The following CDC42BPG variants were observed in gnomAD, a reference collection of about 807,000 sequenced individuals.
CDC42BPG encodes CDC42 binding protein kinase gamma.
A neutral mutation model predicts 192.2 loss-of-function variants in CDC42BPG; 157 were observed. The observed-to-expected ratio is 0.82, with a 90% CI of 0.72 to 0.93. The LOEUF is 0.93. Among genes scored for constraint, CDC42BPG ranks in the 40% least tolerant of loss-of-function variants. The pLI, the probability that CDC42BPG is intolerant of heterozygous loss-of-function variation, is 0.00. For synonymous variants in CDC42BPG, 981 were observed against 918.5 expected (o/e 1.07, Z -1.23); for missense variants, 1,992 against 2,122.1 (o/e 0.94, Z 1.20).
At chr11:64,838,510 G>A (rs1051049599) in intron 8 of CDC42BPG, 144 bp downstream of exon 8, 4 of 1,167,212 alleles carry the variant, frequency 3.4e-6, no homozygotes, top group African/African-American at 1.5e-5. Flanking sequence ...GCTGGAACGG[G>A]TCAGTCTGGG....
Position 64,831,675 on chromosome 11 carries a change from A to T in CDC42BPG, c.3134T>A (p.Leu1045Gln). 6.2e-7 allele frequency: 1 copy of T among 1,608,854 alleles called. No homozygotes were observed. Among genetic ancestry groups the T allele is most frequent in the Non-Finnish European group, 8.5e-7 (1 of 1,179,450 alleles). ...LAVPPTTCTV[L>Q]LLAESEGERE... ...CTCCCCCTCGCTCTCTGCCAGCAGC[A>T]GCACAGTGCACGTGGTGGGCGGCAC... is the stretch of plus-strand genomic sequence containing the variant. The change falls in exon 28 of 37, where the codon CTG (leucine) becomes CAG (glutamine). Residue 1045 changes from leucine to glutamine, a missense_variant. By Grantham distance (113) the Leu-to-Gln change is moderately radical. This residue lies in a region of CDC42BPG where 1,656 missense variants were observed against 1,844.3 expected (regional missense o/e 0.90). Coordinates refer to ENST00000342711, the MANE Select transcript of CDC42BPG (RefSeq NM_017525.3).
intron 11 of CDC42BPG, 34 bp downstream of exon 11, chr11:64,836,705 C>CCGGAGGGG: frequency 2.8e-6 from 1 of 352,538 alleles, no homozygotes; most frequent in South Asian, 3.3e-5. Flanking sequence ...GGACTCAGCC[C>CCGGAGGGG]TGGGGGGGGG....
At chr11:64,835,269 G>A in intron 16 of CDC42BPG, 78 bp downstream of exon 16, 1 of 1,609,606 alleles carries the variant, frequency 6.2e-7, no homozygotes, top group Non-Finnish European at 8.5e-7. Flanking sequence ...CTCACTGGCT[G>A]CAGCTTGCCC....
chr11:64,828,938 T>C (rs1018051207), intron 30 of CDC42BPG, among the ~76,000 whole-genome samples: 1 of 152,010 alleles, frequency 6.6e-6, no homozygotes, highest in Non-Finnish European at 1.5e-5. Flanking sequence ...TAGTCCCAGC[T>C]ACTAGGGAGG....
At position 64,836,705 on chromosome 11, in the gene CDC42BPG, C is replaced by CCGGGGGGGGGGGGGGGGGGGG. The variant is rs1192864769; in HGVS notation, c.1384+33_1384+34insCCCCCCCCCCCCCCCCCCCCG. On this transcript the variant is annotated intron_variant, in intron 11 of 36. Coordinates refer to ENST00000342711, the MANE Select transcript of CDC42BPG (RefSeq NM_017525.3). Reference sequence around the variant, plus strand: ...ACCCGAGCCCAGGTGGGACTCAGCCCTGGGGGGGGGGGGGGGGTGGGCGGA... The same window carrying CCGGGGGGGGGGGGGGGGGGGG: ...ACCCGAGCCCAGGTGGGACTCAGCCCCGGGGGGGGGGGGGGGGGGGGTGGGGGGGGGGGGGGGGTGGGCGGA... The CCGGGGGGGGGGGGGGGGGGGG allele has an allele frequency of 3.1e-5, 11 of 353,522 alleles. 4 individuals carry two copies. Among genetic ancestry groups the CCGGGGGGGGGGGGGGGGGGGG allele is most frequent in the South Asian group, 6.6e-5 (2 of 30,182 alleles). 21.9% of individuals were successfully genotyped at this position (353,522 alleles called of 1,614,324 possible).
intron 30 of CDC42BPG, 152 bp downstream of exon 30, chr11:64,829,319 C>T: frequency 1.0e-6 from 1 of 952,524 alleles, no homozygotes; most frequent in East Asian, 2.6e-5. Flanking sequence ...CCCTGCAAGC[C>T]ACAGAGGGTG....
At chr11:64,837,142 AC>A in intron 9 of CDC42BPG, 123 bp from the exon 10 acceptor site, 1 of 839,366 alleles carries the variant, frequency 1.2e-6, no homozygotes, top group Non-Finnish European at 1.9e-6. Flanking sequence ...CCCTCGGGAG[AC>A]CCCAGACTGG....
At chr11:64,829,066 A>C (rs748238182) in intron 30 of CDC42BPG, among the ~76,000 whole-genome samples, 4 of 151,990 alleles carry the variant, frequency 2.6e-5, no homozygotes, top group Non-Finnish European at 5.9e-5. Flanking sequence ...AAAACAAAAC[A>C]AAAATTAGCC....
In CDC42BPG at chr11:64,832,949, G is replaced by A. The variant is rs1389062293; in HGVS notation, c.2742C>T (p.Tyr914=). 1.3e-6 allele frequency: 2 copies of A among 1,532,926 alleles called. No individual in the cohort carries two copies. The highest frequency in any genetic ancestry group is 1.2e-5 in the South Asian group (1 of 81,188). The allele number at this position is 1,532,926 out of a possible 1,614,324, so 95.0% of individuals were successfully genotyped here. Residue 914 remains tyrosine, a synonymous_variant, in exon 25 of 37, where the codon TAC becomes TAT. Transcript: ENST00000342711. ...RQGLGCDACG[Y]FCHTTCAPQA... ...GTGGGGCACAGGTTGTGTGACAAAA[G>A]TAGCCGCAGGCTGTGGGGAAAGTGG...
chr11:64,838,272 T>G, intron 8 of CDC42BPG, 110 bp from the exon 9 acceptor site: 2 of 786,962 alleles, frequency 2.5e-6, no homozygotes, highest in South Asian at 3.6e-5. Flanking sequence ...AGGTGGGAAC[T>G]CAGGGGGGTA....
intron 9 of CDC42BPG, 131 bp downstream of exon 9, chr11:64,837,952 G>C: frequency 1.3e-6 from 1 of 781,456 alleles, no homozygotes; most frequent in Non-Finnish European, 2.2e-6. Flanking sequence ...GAGGGCTAGA[G>C]CACCTGCCAC....
chr11:64,827,711 C>T lies in CDC42BPG; in HGVS notation c.4040G>A (p.Trp1347Ter), dbSNP rs1364730072. 2 of 1,613,322 alleles carry T rather than the reference C, an allele frequency of 1.2e-6. No homozygotes were observed. The highest frequency in any genetic ancestry group is 2.2e-5 in the South Asian group (2 of 90,934). Residue 1347 changes from tryptophan (W) to a stop codon, truncating the protein, a stop_gained, in exon 31 of 37, where the codon TGG becomes TAG. Coordinates refer to ENST00000342711, the MANE Select transcript of CDC42BPG (RefSeq NM_017525.3). LOFTEE classifies it high-confidence loss of function. ...CTTCTTGAGCGGCACGGTCTGCACC[C>T]ATTCTGCCCTCCTCACGTCAAACAC... ...IDVFDVRRAE[W>*]VQTVPLKKVR...
chr11:64,840,404 G>A (rs1943227981), intron 4 of CDC42BPG, 136 bp from the exon 5 acceptor site: 1 of 1,411,116 alleles, frequency 7.1e-7, no homozygotes, highest in African/African-American at 1.4e-5. Context: ...CCAGGGCTCA[G>A]GCAGGAGGCG....
intron 14 of CDC42BPG, 29 bp downstream of exon 14, chr11:64,835,733 C>T (rs768790005): frequency 5.6e-6 from 9 of 1,612,440 alleles, no homozygotes; most frequent in Non-Finnish European, 6.8e-6. Context: ...TGGGGAAGCA[C>T]CTCTTGCCAA....
At chr11:64,825,679 G>A (rs907069047) in intron 36 of CDC42BPG, among the ~76,000 whole-genome samples, 4 of 152,060 alleles carry the variant, frequency 2.6e-5, no homozygotes, top group Admixed American at 2.0e-4. Flanking sequence ...AACCTCCCTG[G>A]CTTCTCTTAG....
chr11:64,835,430 G>A lies in CDC42BPG; in HGVS notation c.1881-11C>T, dbSNP rs751905759. 4.3e-6 allele frequency: 7 copies of A among 1,613,246 alleles called. No individual in the cohort carries two copies. Among genetic ancestry groups the A allele is most frequent in the African/African-American group, 2.7e-5 (2 of 74,936 alleles). On this transcript the variant is annotated splice_polypyrimidine_tract_variant and intron_variant, in intron 15 of 36. Transcript: ENST00000342711. ...TCCTTACCACTCGGCCTGGGGAGGA[G>A]AAGGCCAAGGCCGTGACTCACCGCC...
rs368307424 is a variant in CDC42BPG at position 64,840,160 on chromosome 11, G to A, written c.541C>T (p.Leu181=). Reference sequence around the variant, plus strand: ...AGCTGGTGCAGCGAGTGGATGGCCAGCACCATCTCAGCCAGGTAGAACTGG... The same window carrying A: ...AGCTGGTGCAGCGAGTGGATGGCCAACACCATCTCAGCCAGGTAGAACTGG... ...LAQFYLAEMV[L]AIHSLHQLGY... Residue 181 remains leucine (L), a synonymous_variant, in exon 5 of 37, where the codon CTG becomes TTG. Transcript: ENST00000342711. 272 of 1,612,912 alleles carry A rather than the reference G, an allele frequency of 1.7e-4. No individual in the cohort carries two copies. The highest frequency in any genetic ancestry group is 2.0e-4 in the Non-Finnish European group (240 of 1,179,896).
chr11:64,832,575 C>G (rs767519677), intron 26 of CDC42BPG, 29 bp downstream of exon 26: 1 of 1,614,074 alleles, frequency 6.2e-7, no homozygotes, highest in Admixed American at 1.7e-5. Flanking sequence ...CCACTAGTCC[C>G]TTGCCCCATG....
At chr11:64,829,341 TGTTGG>T in intron 30 of CDC42BPG, 125 bp downstream of exon 30, 1 of 1,187,614 alleles carries the variant, frequency 8.4e-7, no homozygotes, top group Non-Finnish European at 1.2e-6. Context: ...GACAGGGTGT[TGTTGG>T]GCTGGAGGAT....
Sources: gnomAD v4.1 joint callset for allele counts (sites outside exome capture counted in the v4.1 genomes callset) on GRCh38, gnomAD v4.1.1 for gene constraint, gnomAD v4.1.1 regional missense constraint, MANE v1.5 for transcripts, NCBI Gene and HGNC (gene_info 2026-07-23, HGNC 2026-07-21) for gene names.